The following CSRP3 variants were observed in gnomAD, a reference collection of about 807,000 sequenced individuals.
CSRP3 encodes cysteine and glycine-rich protein 3.
In CSRP3, 24 loss-of-function variants were observed where a neutral mutation model predicts 24.3. The ratio of observed to expected loss-of-function variants is 0.99; its 90% CI spans 0.71 to 1.39. The LOEUF (loss-of-function observed/expected upper bound fraction) is 1.39, where lower values mean the gene tolerates loss of function less well. Among genes scored for constraint, CSRP3 ranks in the 40% most tolerant of loss-of-function variants. CSRP3 has a pLI of 0.00. For missense variants in CSRP3, 240 were observed against 249.0 expected, an observed-to-expected ratio of 0.96 and a Z score of 0.24; for synonymous variants, 105 against 94.0, an observed-to-expected ratio of 1.12 and a Z score of -0.68.
intron 1 of CSRP3, among the ~76,000 whole-genome samples, chr11:19,194,552 T>C (rs1276871607): frequency 6.6e-6 from 1 of 152,024 alleles, no homozygotes; most frequent in African/African-American, 2.4e-5. Flanking sequence ...GGTGGCATGC[T>C]CCTGTAGTCA....
chr11:19,193,534 T>A (rs1341783041), intron 1 of CSRP3, among the ~76,000 whole-genome samples: 1 of 152,254 alleles, frequency 6.6e-6, no homozygotes, highest in Non-Finnish European at 1.5e-5. Flanking sequence ...GTCCTCTGTA[T>A]TTTTAGTAGA....
chr11:19,188,384 G>A, intron 2 of CSRP3, 80 bp from the exon 3 acceptor site: 1 of 1,510,118 alleles, frequency 6.6e-7, no homozygotes, highest in South Asian at 1.1e-5. Context: ...CATGCTCGGG[G>A]CCAGAGACCC....
In CSRP3 at chr11:19,190,033, C is replaced by A. The variant is rs115462625; in HGVS notation, c.113-1729G>T. Among the ~76,000 whole-genome samples, 8 of 152,266 alleles carry A rather than the reference C, an allele frequency of 5.3e-5. No individual in the cohort carries two copies. In the East Asian group the frequency reaches 9.6e-4, roughly 18 times the overall value. On this transcript the variant is annotated intron_variant, in intron 2 of 5. Transcript: ENST00000265968. ...GCAAGCCTGTTTTGTCTTAATATTC[C>A]GAGAATTTAGCACAAGGCCTGGGCC...
chr11:19,199,582 G>A (rs1850801659), intron 1 of CSRP3, among the ~76,000 whole-genome samples: 1 of 152,176 alleles, frequency 6.6e-6, no homozygotes, highest in African/African-American at 2.4e-5. Flanking sequence ...CGCTTTCTCA[G>A]CCATGTGATG....
intron 1 of CSRP3, 138 bp from the exon 2 acceptor site, chr11:19,192,614 A>G: frequency 2.9e-6 from 2 of 688,610 alleles, no homozygotes; most frequent in Non-Finnish European, 5.3e-6. Flanking sequence ...TTTAGCAAAC[A>G]GCTACTGTGT....
Position 19,192,784 on chromosome 11 carries a change from A to G in CSRP3, c.-28-308T>C, listed in dbSNP as rs542044738. On this transcript the variant is annotated intron_variant, in intron 1 of 5. Transcript: ENST00000265968. ...GAATAGGCTAATTTCATGTACATAA[A>G]AGTATATACAAAGATCGTTTTTTTT... Among the ~76,000 whole-genome samples, 4 of 152,334 alleles carry G rather than the reference A, an allele frequency of 2.6e-5. No homozygotes were observed. The East Asian group carries it at 7.7e-4, about 29-fold the overall frequency.
At chr11:19,187,882 G>A (rs552406244) in intron 3 of CSRP3, among the ~76,000 whole-genome samples, 2 of 152,260 alleles carry the variant, frequency 1.3e-5, no homozygotes, top group Admixed American at 1.3e-4. Context: ...GTACATCCTG[G>A]GTTTTCTCTT....
At chr11:19,185,818 A>T (rs11025049) in intron 4 of CSRP3, among the ~76,000 whole-genome samples, 54,998 of 152,074 alleles carry the variant, frequency 0.36, 12,169 homozygotes, top group East Asian at 0.5. Flanking sequence ...GATGCTTCTC[A>T]CTACTGTGAG....
At chr11:19,192,145 A>G (rs1199228268) in intron 2 of CSRP3, among the ~76,000 whole-genome samples, 192 bp downstream of exon 2, 1 of 152,160 alleles carries the variant, frequency 6.6e-6, no homozygotes, top group East Asian at 1.9e-4. Flanking sequence ...AAGCAAGGGT[A>G]TTCAGGAGAG....
chr11:19,182,589 T>C lies in CSRP3; in HGVS notation c.*81A>G. Reference sequence around the variant, plus strand: ...TGTACGACTACAAAGGAGAGGCTATTTGGGGAAAGGTATCGATCTGTGCAG... The same window carrying C: ...TGTACGACTACAAAGGAGAGGCTATCTGGGGAAAGGTATCGATCTGTGCAG... On this transcript the variant is annotated 3_prime_UTR_variant, in exon 6 of 6. Transcript: ENST00000265968. 7 of 1,133,826 alleles carry C rather than the reference T, an allele frequency of 6.2e-6. No homozygotes were observed. The East Asian group carries it at 1.2e-4, about 19-fold the overall frequency. The allele number at this position is 1,133,826 out of a possible 1,614,324, so 70.2% of individuals were successfully genotyped here.
Position 19,182,040 on chromosome 11 carries a change from TAC to T in CSRP3, c.*628_*629del, listed in dbSNP as rs1850442532. The T allele has an allele frequency of 6.5e-6, 1 of 152,712 alleles. No homozygotes were observed. Among genetic ancestry groups the T allele is most frequent in the Admixed American group, 6.5e-5 (1 of 15,376 alleles). The allele number at this position is 152,712 out of a possible 1,614,324, so 9.5% of individuals were successfully genotyped here. A position where few individuals can be genotyped will look rare whatever the true frequency, so the allele number is the denominator to read the frequency against. On this transcript the variant is annotated 3_prime_UTR_variant, in exon 6 of 6. Coordinates refer to ENST00000265968, the MANE Select transcript of CSRP3 (RefSeq NM_003476.5). ...AAAATCATCCTCATGTCATTTATAA[TAC>T]AGAGGCAAATGCCACGCTTTATTGT... is the stretch of plus-strand genomic sequence containing the variant.
rs1590104504 is a variant in CSRP3, at chr11:19,188,311, G to A, written c.113-7C>T. On this transcript the variant is annotated splice_region_variant and splice_polypyrimidine_tract_variant and intron_variant, in intron 2 of 5. Transcript: ENST00000265968. ...AGAGCCTTCCTGCAGGCCACTGCCAGGAAAAGGAAGGGTCATGGGATTGGA... is the reference window on the plus strand; with the variant it reads ...AGAGCCTTCCTGCAGGCCACTGCCAAGAAAAGGAAGGGTCATGGGATTGGA... 1 of 1,612,040 alleles carries A rather than the reference G, an allele frequency of 6.2e-7. No individual in the cohort carries two copies. Among genetic ancestry groups the A allele is most frequent in the Non-Finnish European group, 8.5e-7 (1 of 1,180,016 alleles).
chr11:19,194,775 T>C (rs1363234679), intron 1 of CSRP3, among the ~76,000 whole-genome samples: 1 of 152,200 alleles, frequency 6.6e-6, no homozygotes, highest in Non-Finnish European at 1.5e-5. Context: ...GAAAGAGTAA[T>C]GGATTTTGAG....
rs561765926 is a variant in CSRP3, at chr11:19,195,004, G to A, written c.-28-2528C>T. Among the ~76,000 whole-genome samples, 33 of 152,156 alleles carry A rather than the reference G, an allele frequency of 2.2e-4. No homozygotes were observed. The East Asian group carries it at 5.1e-3, about 23-fold the overall frequency. ...TCAGAATGCTCTGTACCAGAGAAGA[G>A]TCTTGTGAGACATGCTACAGAAACT... is the stretch of plus-strand genomic sequence containing the variant. On this transcript the variant is annotated intron_variant, in intron 1 of 5. Transcript: ENST00000265968.
chr11:19,188,006 T>G, intron 3 of CSRP3, 130 bp downstream of exon 3: 1 of 1,063,444 alleles, frequency 9.4e-7, no homozygotes, highest in Non-Finnish European at 1.5e-6. Flanking sequence ...AGACTGAGTA[T>G]TCCTATTGTT....
chr11:19,185,563 G>C (rs1206370337), intron 4 of CSRP3, among the ~76,000 whole-genome samples: 2 of 152,190 alleles, frequency 1.3e-5, no homozygotes, highest in African/African-American at 4.8e-5. Flanking sequence ...ACAGCCCAGG[G>C]CTTCTCCTAT....
chr11:19,199,099 C>T (rs534857246), intron 1 of CSRP3, among the ~76,000 whole-genome samples: 6 of 152,112 alleles, frequency 3.9e-5, no homozygotes, highest in East Asian at 3.8e-4. Flanking sequence ...TTGGAGTGTG[C>T]GGTGCCCCAG....
chr11:19,187,922 A>C (rs1850553152), intron 3 of CSRP3, among the ~76,000 whole-genome samples: 2 of 152,242 alleles, frequency 1.3e-5, no homozygotes, highest in Non-Finnish European at 2.9e-5. Flanking sequence ...ATGGTGTAAA[A>C]GTAATTGCCC....
At position 19,182,563 on chromosome 11, in the gene CSRP3, A is replaced by G. The variant is rs1024435059; in HGVS notation, c.*107T>C. 1.1e-5 allele frequency: 10 copies of G among 945,080 alleles called. No homozygotes were observed. The East Asian group carries it at 1.4e-4, about 14-fold the overall frequency. 58.5% of individuals were successfully genotyped at this position (945,080 alleles called of 1,614,324 possible). On this transcript the variant is annotated 3_prime_UTR_variant, in exon 6 of 6. Transcript: ENST00000265968. ...GATCACTTCTGAGGAGAAACACATA[A>G]TGTACGACTACAAAGGAGAGGCTAT...
Sources: gnomAD v4.1 joint callset for allele counts (sites outside exome capture counted in the v4.1 genomes callset) on GRCh38, gnomAD v4.1.1 for gene constraint, MANE v1.5 for transcripts, NCBI Gene and HGNC (gene_info 2026-07-23, HGNC 2026-07-21) for gene names.